The following XRCC4 variants were observed in gnomAD, a reference collection of about 807,000 sequenced individuals.
XRCC4 encodes the protein DNA repair protein XRCC4.
A neutral mutation model predicts 39.1 loss-of-function variants in XRCC4; 28 were observed. The observed-to-expected ratio is 0.72, with a 90% CI of 0.53 to 0.98. The LOEUF is 0.98. Among genes scored for constraint, XRCC4 ranks in the 50% least tolerant of loss-of-function variants. The probability of loss-of-function intolerance (pLI) is 0.00; values close to 1 mark genes in which losing one functional copy is unlikely to be tolerated. For missense variants in XRCC4, 350 were observed against 376.4 expected, an observed-to-expected ratio of 0.93 and a Z score of 0.58; for synonymous variants, 123 against 126.4, an observed-to-expected ratio of 0.97 and a Z score of 0.18.
intron 3 of XRCC4, among the ~76,000 whole-genome samples, chr5:83,114,674 C>G (rs1052616658): frequency 6.6e-6 from 1 of 152,216 alleles, no homozygotes; most frequent in Non-Finnish European, 1.5e-5. Flanking sequence ...GCCCTCAAGT[C>G]TCTAGGAAGT....
intron 7 of XRCC4, among the ~76,000 whole-genome samples, chr5:83,284,914 T>C (rs1258799177): frequency 6.6e-6 from 1 of 152,032 alleles, no homozygotes; most frequent in Non-Finnish European, 1.5e-5. Context: ...TAAACAGTAG[T>C]TTTCAAAGCA....
chr5:83,322,131 T>C (rs556036604), intron 7 of XRCC4, among the ~76,000 whole-genome samples: 1 of 151,920 alleles, frequency 6.6e-6, no homozygotes, highest in Non-Finnish European at 1.5e-5. Context: ...TACTTGTAAA[T>C]TGTGTTATCT....
chr5:83,227,475 A>G (rs1489644583), intron 6 of XRCC4, among the ~76,000 whole-genome samples: 2 of 152,128 alleles, frequency 1.3e-5, no homozygotes, highest in South Asian at 2.1e-4. Flanking sequence ...AAACAGGACT[A>G]TAATAAACTA....
At chr5:83,354,312 A>G (rs1019063613), downstream of XRCC4, among the ~76,000 whole-genome samples, 1 of 152,194 alleles carries the variant, frequency 6.6e-6, no homozygotes, top group East Asian at 1.9e-4. Flanking sequence ...AATAGTTAAA[A>G]GTTTGAGTGT....
At chr5:83,122,517 A>C (rs1166926117) in intron 3 of XRCC4, among the ~76,000 whole-genome samples, 1 of 152,146 alleles carries the variant, frequency 6.6e-6, no homozygotes, top group East Asian at 1.9e-4. Context: ...GTAGTGTTGA[A>C]TTTATAAATC....
intron 7 of XRCC4, among the ~76,000 whole-genome samples, chr5:83,323,691 A>G (rs1466504197): frequency 4.6e-5 from 7 of 151,796 alleles, no homozygotes; most frequent in Non-Finnish European, 8.8e-5. Flanking sequence ...GTTGAACAGT[A>G]AAAGTAGTAA....
intron 6 of XRCC4, among the ~76,000 whole-genome samples, chr5:83,212,989 C>T (rs1456518655): frequency 4.8e-5 from 7 of 144,422 alleles, no homozygotes; most frequent in Non-Finnish European, 9.1e-5. Flanking sequence ...GACACATATA[C>T]GTAGAAAACA....
At chr5:83,108,120 G>GC (rs1746285250) in intron 2 of XRCC4, among the ~76,000 whole-genome samples, 1 of 151,894 alleles carries the variant, frequency 6.6e-6, no homozygotes, top group Non-Finnish European at 1.5e-5. Flanking sequence ...ATGTTGGGCT[G>GC]CTCATGTTTT....
intron 3 of XRCC4, among the ~76,000 whole-genome samples, chr5:83,131,768 G>C (rs867021244): frequency 7.9e-5 from 12 of 151,312 alleles, no homozygotes; most frequent in Non-Finnish European, 7.4e-5. Flanking sequence ...TTGAGCCTAT[G>C]TGTGTCTCTG....
intron 4 of XRCC4, among the ~76,000 whole-genome samples, chr5:83,200,599 AGTT>A (rs1274526563): frequency 1.3e-5 from 1 of 74,552 alleles, no homozygotes; most frequent in African/African-American, 4.0e-5. Context: ...TTAGCTTGTT[AGTT>A]GTTAAGTACA....
At chr5:83,246,873 A>G (rs1213563745) in intron 6 of XRCC4, among the ~76,000 whole-genome samples, 1 of 152,218 alleles carries the variant, frequency 6.6e-6, no homozygotes, top group Non-Finnish European at 1.5e-5. Context: ...TATGAGGCGT[A>G]CTATGATCTG....
At chr5:83,351,111 T>C (rs1010539756) in intron 7 of XRCC4, among the ~76,000 whole-genome samples, 1 of 152,140 alleles carries the variant, frequency 6.6e-6, no homozygotes, top group African/African-American at 2.4e-5. Context: ...TCATGAGATC[T>C]GGTTTAAAAA....
At chr5:83,331,366 A>G (rs111932775) in intron 7 of XRCC4, among the ~76,000 whole-genome samples, 3,095 of 152,172 alleles carry the variant, frequency 0.02, 105 homozygotes, top group African/African-American at 0.07. Flanking sequence ...CAGCTTTTTC[A>G]TGTACTTTGT....
intron 7 of XRCC4, among the ~76,000 whole-genome samples, chr5:83,320,390 TA>T (rs774115795): frequency 0.023 from 3,140 of 137,960 alleles, 92 homozygotes; most frequent in African/African-American, 0.072. Flanking sequence ...AATAAAAAAA[TA>T]AAAAAAAAAA....
At chr5:83,221,316 T>C (rs1432638555) in intron 6 of XRCC4, among the ~76,000 whole-genome samples, 2 of 152,118 alleles carry the variant, frequency 1.3e-5, no homozygotes, top group Non-Finnish European at 2.9e-5. Context: ...ACTATTATTA[T>C]CACCCATTAC....
intron 3 of XRCC4, among the ~76,000 whole-genome samples, chr5:83,144,552 ACCCC>A (rs70973381): frequency 0.029 from 1,123 of 38,832 alleles, 7 homozygotes; most frequent in African/African-American, 0.094. Context: ...GTGTCTCCCC[ACCCC>A]CCCCCCCCCA....
intron 1 of XRCC4, among the ~76,000 whole-genome samples, chr5:83,100,747 A>C (rs939436942): frequency 2.6e-5 from 4 of 151,920 alleles, no homozygotes; most frequent in African/African-American, 7.2e-5. Flanking sequence ...GTTTTGAGCC[A>C]ATTAGAATTA....
intron 7 of XRCC4, among the ~76,000 whole-genome samples, chr5:83,265,284 A>T (rs1753915328): frequency 6.6e-6 from 1 of 152,284 alleles, no homozygotes; most frequent in Admixed American, 6.5e-5. Flanking sequence ...ATGAATGTTC[A>T]ATTGCTATAT....
chr5:83,355,747 C>A (rs140118817), downstream of XRCC4, among the ~76,000 whole-genome samples: 57 of 152,338 alleles, frequency 3.7e-4, no homozygotes, highest in East Asian at 1.7e-3. Flanking sequence ...TCAAGAGATT[C>A]TTGTGCCTCA....
Sources: allele counts gnomAD v4.1 joint callset (sites outside exome capture counted in the v4.1 genomes callset), GRCh38; gene constraint gnomAD v4.1.1; transcripts MANE v1.5; gene names NCBI Gene and HGNC (gene_info 2026-07-23, HGNC 2026-07-21).